Variants in EZR observed in about 807,000 individuals in gnomAD.
EZR encodes the protein ezrin.
Under a neutral mutation model 74.8 loss-of-function variants are expected in EZR, and 40 were observed. That is an observed-to-expected ratio of 0.53 (90% CI 0.42 to 0.70). EZR has a LOEUF of 0.70. Ranked by LOEUF, EZR falls within the 30% of genes least tolerant of loss-of-function variation. EZR has a pLI of 0.00. For synonymous variants in EZR, 341 were observed against 283.3 expected, an observed-to-expected ratio of 1.20 and a Z score of -2.05; for missense variants, 678 against 755.8, an observed-to-expected ratio of 0.90 and a Z score of 1.21.
At chr6:158,779,724 C>T (rs78845394) in intron 7 of EZR, among the ~76,000 whole-genome samples, 3,199 of 152,188 alleles carry the variant, frequency 0.021, 104 homozygotes, top group African/African-American at 0.073. Flanking sequence ...CCACCACGCC[C>T]AGCTAATTTT....
intron 2 of EZR, among the ~76,000 whole-genome samples, chr6:158,791,983 C>T (rs2128571958): frequency 6.6e-6 from 1 of 152,172 alleles, no homozygotes; most frequent in African/African-American, 2.4e-5. Flanking sequence ...GCTGGGATTA[C>T]AGGCGTGAGC....
intron 2 of EZR, among the ~76,000 whole-genome samples, chr6:158,792,648 T>C (rs1230028226): frequency 6.6e-6 from 1 of 151,822 alleles, no homozygotes; most frequent in Non-Finnish European, 1.5e-5. Context: ...TGAAACCCCA[T>C]CTCTACTAAA....
At chr6:158,782,153 C>G (rs1791449933) in intron 7 of EZR, among the ~76,000 whole-genome samples, 1 of 152,076 alleles carries the variant, frequency 6.6e-6, no homozygotes, top group Non-Finnish European at 1.5e-5. Flanking sequence ...CTCTGAGGAG[C>G]TCCTGTGACA....
At chr6:158,778,497 G>A (rs888813820) in intron 7 of EZR, among the ~76,000 whole-genome samples, 2 of 152,210 alleles carry the variant, frequency 1.3e-5, no homozygotes, top group Non-Finnish European at 2.9e-5. Context: ...GAAAATTAAA[G>A]CCCAAGGATT....
chr6:158,784,285 G>A (rs1270626696), intron 6 of EZR, among the ~76,000 whole-genome samples: 1 of 152,180 alleles, frequency 6.6e-6, no homozygotes, highest in Admixed American at 6.5e-5. Flanking sequence ...CACTTTGTAA[G>A]ACAAGTACCT....
chr6:158,811,326 G>A (rs73799910), intron 2 of EZR, among the ~76,000 whole-genome samples: 3,159 of 115,190 alleles, frequency 0.027, 104 homozygotes, highest in African/African-American at 0.092. Flanking sequence ...GAATTTCACT[G>A]CTTCAGAATA....
chr6:158,810,597 G>A (rs765989980), intron 2 of EZR, among the ~76,000 whole-genome samples: 1 of 152,156 alleles, frequency 6.6e-6, no homozygotes, highest in South Asian at 2.1e-4. Flanking sequence ...AGGGAATTCC[G>A]ACTAGAACAC....
chr6:158,778,632 CCAGA>C (rs992548019), intron 7 of EZR, among the ~76,000 whole-genome samples: 7 of 152,278 alleles, frequency 4.6e-5, no homozygotes, highest in Non-Finnish European at 1.0e-4. Context: ...ATAACAGGGA[CCAGA>C]CAGAGGCCTT....
rs1432919312 is a variant in EZR at position 158,781,738 on chromosome 6, T to C, written c.698+1782A>G. Among the ~76,000 whole-genome samples the C allele has an allele frequency of 5.7e-5, 4 of 70,448 alleles. No individual in the cohort carries two copies. In the East Asian group the frequency reaches 8.1e-4, roughly 14 times the overall value. The allele number at this position is 70,448 out of a possible 152,430, so 46.2% of individuals were successfully genotyped here. A position where few individuals can be genotyped will look rare whatever the true frequency, so the allele number is the denominator to read the frequency against. Reference sequence around the variant, plus strand: ...AGGGTCTCCCGGAAAGATGGTGTCCTGGTTCCAAGTACCCACTTTCCCCAC... The same window carrying C: ...AGGGTCTCCCGGAAAGATGGTGTCCCGGTTCCAAGTACCCACTTTCCCCAC... On this transcript the variant is annotated intron_variant, in intron 7 of 13. Coordinates refer to ENST00000367075, the MANE Select transcript of EZR (RefSeq NM_001111077.2).
chr6:158,787,676 C>A (rs1243304370), intron 3 of EZR, among the ~76,000 whole-genome samples: 1 of 152,174 alleles, frequency 6.6e-6, no homozygotes, highest in Non-Finnish European at 1.5e-5. Context: ...TGCCTCTCAG[C>A]CAGCTGGCCC....
chr6:158,789,207 G>T, intron 3 of EZR, 81 bp downstream of exon 3: 1 of 1,031,498 alleles, frequency 9.7e-7, no homozygotes, highest in Non-Finnish European at 1.5e-6. Flanking sequence ...AAGGTAATAT[G>T]CTTCGCAAAC....
chr6:158,802,751 C>T (rs533188856), intron 2 of EZR, among the ~76,000 whole-genome samples: 10 of 152,256 alleles, frequency 6.6e-5, no homozygotes, highest in Non-Finnish European at 1.5e-4. Flanking sequence ...TAGATGGTCT[C>T]GATCTCCTGA....
At chr6:158,788,798 T>C (rs1791652574) in intron 3 of EZR, among the ~76,000 whole-genome samples, 1 of 152,264 alleles carries the variant, frequency 6.6e-6, no homozygotes, top group Non-Finnish European at 1.5e-5. Context: ...AATCTTCATT[T>C]CTTCCTTTCA....
chr6:158,776,623 G>C (rs1203142845), intron 7 of EZR, 119 bp from the exon 8 acceptor site: 1 of 711,692 alleles, frequency 1.4e-6, no homozygotes, highest in Non-Finnish European at 2.3e-6. Context: ...GCTAACCCAA[G>C]AGGCACAATG....
chr6:158,795,009 G>C (rs971895145), intron 2 of EZR, among the ~76,000 whole-genome samples: 17 of 152,254 alleles, frequency 1.1e-4, no homozygotes, highest in Non-Finnish European at 2.2e-4. Context: ...ACAGCACTCT[G>C]GGGGGCCAAG....
chr6:158,813,380 T>C (rs975471362), intron 2 of EZR, among the ~76,000 whole-genome samples: 3 of 152,248 alleles, frequency 2.0e-5, no homozygotes, highest in African/African-American at 7.2e-5. Flanking sequence ...GATTGCTGTC[T>C]GTCCCCGAAA....
chr6:158,783,166 A>G (rs759567664), intron 7 of EZR, among the ~76,000 whole-genome samples: 9 of 152,080 alleles, frequency 5.9e-5, no homozygotes, highest in Admixed American at 4.6e-4. Flanking sequence ...GGAGTCGAGC[A>G]CTGGCTGGGC....
chr6:158,794,832 T>C (rs1777034783), intron 2 of EZR, among the ~76,000 whole-genome samples: 1 of 152,152 alleles, frequency 6.6e-6, no homozygotes, highest in South Asian at 2.1e-4. Flanking sequence ...TTGGTGGTGA[T>C]TTAAGTTTAA....
intron 2 of EZR, among the ~76,000 whole-genome samples, chr6:158,814,899 T>A (rs1242400484): frequency 1.3e-5 from 2 of 152,126 alleles, no homozygotes; most frequent in African/African-American, 2.4e-5. Context: ...ACACAGGAAA[T>A]GAGTATTTTC....
Sources: allele counts gnomAD v4.1 joint callset (sites outside exome capture counted in the v4.1 genomes callset), GRCh38; gene constraint gnomAD v4.1.1; transcripts MANE v1.5; gene names NCBI Gene and HGNC (gene_info 2026-07-23, HGNC 2026-07-21).